Variants in NRG3 observed in about 807,000 individuals in gnomAD.
NRG3 encodes the protein neuregulin 3.
Under a neutral mutation model 66.9 loss-of-function variants are expected in NRG3, and 31 were observed. The ratio of observed to expected loss-of-function variants is 0.46; its 90% CI spans 0.35 to 0.63. The LOEUF is 0.63. NRG3 is among the 20% of genes least tolerant of loss of function. The pLI is 0.00. For missense variants in NRG3, 910 were observed against 878.9 expected (o/e 1.04, Z -0.45); for synonymous variants, 393 against 359.4 (o/e 1.09, Z -1.06).
At chr10:82,049,996 C>A (rs11817202) in intron 1 of NRG3, among the ~76,000 whole-genome samples, 42,553 of 151,756 alleles carry the variant, frequency 0.28, 6,091 homozygotes, top group Admixed American at 0.37. Context: ...TGTACCATCC[C>A]CTATTATCCA....
chr10:82,811,577 A>T (rs2061493867), intron 3 of NRG3, among the ~76,000 whole-genome samples: 1 of 152,240 alleles, frequency 6.6e-6, no homozygotes, highest in Non-Finnish European at 1.5e-5. Flanking sequence ...AGTAGGAACC[A>T]TTGGGAATAC....
chr10:82,863,133 A>G (rs959919454), intron 3 of NRG3, among the ~76,000 whole-genome samples: 2 of 152,052 alleles, frequency 1.3e-5, no homozygotes, highest in African/African-American at 4.8e-5. Flanking sequence ...TTCCTGTGTT[A>G]GTTTGCTGAG....
chr10:82,042,866 A>G lies in NRG3; in HGVS notation c.823+166703A>G, dbSNP rs149151402. On this transcript the variant is annotated intron_variant, in intron 1 of 8. Coordinates refer to ENST00000372141, the MANE Select transcript of NRG3 (RefSeq NM_001010848.4). ...AGGTCAACGTATTTTGAATAAAATT[A>G]TAGACAAAACCTTTTGAGTAATAAT... Among the ~76,000 whole-genome samples the G allele has an allele frequency of 1.6e-4, 25 of 152,196 alleles. No homozygotes were observed. In the East Asian group the frequency reaches 2.5e-3, roughly 15 times the overall value.
intron 1 of NRG3, among the ~76,000 whole-genome samples, chr10:82,124,814 C>CTT (rs1050705100): frequency 6.6e-6 from 1 of 151,700 alleles, no homozygotes; most frequent in Admixed American, 6.6e-5. Flanking sequence ...CTGTTGCTTT[C>CTT]TTTCAGCCTT....
chr10:82,403,287 G>T (rs2087249228), intron 2 of NRG3, among the ~76,000 whole-genome samples: 1 of 151,918 alleles, frequency 6.6e-6, no homozygotes, highest in Non-Finnish European at 1.5e-5. Context: ...TCGGGAATAG[G>T]GTCCAGATTG....
At chr10:82,698,997 G>T (rs1329934410) in intron 2 of NRG3, among the ~76,000 whole-genome samples, 5 of 152,044 alleles carry the variant, frequency 3.3e-5, no homozygotes, top group African/African-American at 1.2e-4. Context: ...TGGAAATGTT[G>T]ACCATATAAC....
chr10:81,879,610 T>C (rs1340850798), intron 1 of NRG3, among the ~76,000 whole-genome samples: 1 of 152,220 alleles, frequency 6.6e-6, no homozygotes, highest in Non-Finnish European at 1.5e-5. Flanking sequence ...TTAATTATAA[T>C]GAACATCACA....
At chr10:81,885,238 C>G (rs1449849770) in intron 1 of NRG3, among the ~76,000 whole-genome samples, 1 of 152,176 alleles carries the variant, frequency 6.6e-6, no homozygotes, top group Non-Finnish European at 1.5e-5. Flanking sequence ...TCCAAGCTTA[C>G]TTTTGGTTAC....
chr10:82,634,233 C>T (rs1215520259), intron 2 of NRG3, among the ~76,000 whole-genome samples: 1 of 152,064 alleles, frequency 6.6e-6, no homozygotes, highest in Non-Finnish European at 1.5e-5. Context: ...GTGCAATGCA[C>T]AGGGTGTCCA....
intron 1 of NRG3, chr10:81,878,103 T>C (rs1841847148): frequency 6.6e-7 from 1 of 1,525,210 alleles, no homozygotes; most frequent in African/African-American, 1.4e-5. Flanking sequence ...AAGGTAATTA[T>C]TTCTACCCCT....
intron 2 of NRG3, among the ~76,000 whole-genome samples, chr10:82,495,545 A>G (rs1843547902): frequency 1.3e-5 from 2 of 151,968 alleles, no homozygotes; most frequent in South Asian, 4.1e-4. Context: ...GTTTCCACCT[A>G]GTACTGTTTT....
chr10:82,936,009 A>G (rs1848033474), intron 4 of NRG3, among the ~76,000 whole-genome samples: 1 of 152,160 alleles, frequency 6.6e-6, no homozygotes, highest in African/African-American at 2.4e-5. Flanking sequence ...GGTGGCTAGT[A>G]ATTAGGAAGC....
At position 82,867,136 on chromosome 10, in the gene NRG3, A is replaced by G. The variant is rs149345237; in HGVS notation, c.1054+1699A>G. Among the ~76,000 whole-genome samples the G allele has an allele frequency of 2.4e-3, 371 of 152,274 alleles. No individual in the cohort carries two copies. In the Middle Eastern group the frequency reaches 0.037, roughly 15 times the overall value. ...AATGGCTCAAAGACGGTAGCAATTT[A>G]TTTCCTGATACTACTTTTTCTTGTC... On this transcript the variant is annotated intron_variant, in intron 4 of 8. Coordinates refer to ENST00000372141, the MANE Select transcript of NRG3 (RefSeq NM_001010848.4).
chr10:82,204,710 T>C (rs561167075), intron 1 of NRG3, among the ~76,000 whole-genome samples: 2 of 152,202 alleles, frequency 1.3e-5, no homozygotes, highest in South Asian at 2.1e-4. Flanking sequence ...TCCTCACCTA[T>C]ATAAGAGATG....
At chr10:82,351,386 AT>A (rs946222560) in intron 1 of NRG3, among the ~76,000 whole-genome samples, 2 of 152,214 alleles carry the variant, frequency 1.3e-5, no homozygotes, top group Non-Finnish European at 2.9e-5. Flanking sequence ...TGGAAATCAC[AT>A]TTCAATTAGA....
chr10:81,912,969 G>A (rs1233809372), intron 1 of NRG3, among the ~76,000 whole-genome samples: 1 of 152,176 alleles, frequency 6.6e-6, no homozygotes, highest in Non-Finnish European at 1.5e-5. Context: ...CCTGGCCACT[G>A]GAGTCAAATA....
intron 1 of NRG3, among the ~76,000 whole-genome samples, chr10:82,146,292 A>T (rs1365969832): frequency 6.6e-6 from 1 of 152,148 alleles, no homozygotes; most frequent in African/African-American, 2.4e-5. Context: ...TCAATATTTT[A>T]GTATTTGTCT....
chr10:82,327,152 A>G (rs1006316485), intron 1 of NRG3, among the ~76,000 whole-genome samples: 1 of 152,164 alleles, frequency 6.6e-6, no homozygotes, highest in African/African-American at 2.4e-5. Flanking sequence ...AGAGTATTTG[A>G]TTATTTGGAT....
intron 2 of NRG3, among the ~76,000 whole-genome samples, chr10:82,560,150 A>G (rs1354761103): frequency 1.3e-5 from 2 of 151,794 alleles, no homozygotes; most frequent in Non-Finnish European, 2.9e-5. Context: ...ATAATTAAAA[A>G]TAAAAATGTG....
Sources: allele counts gnomAD v4.1 joint callset (sites outside exome capture counted in the v4.1 genomes callset), GRCh38; gene constraint gnomAD v4.1.1; transcripts MANE v1.5; gene names NCBI Gene and HGNC (gene_info 2026-07-23, HGNC 2026-07-21).